Variants in PIK3CB observed in about 807,000 individuals in gnomAD.
PIK3CB encodes phosphatidylinositol 4,5-bisphosphate 3-kinase catalytic subunit beta isoform.
PIK3CB carries 39 observed loss-of-function variants against 136.8 expected under a neutral mutation model. The ratio of observed to expected loss-of-function variants is 0.29; its 90% CI spans 0.22 to 0.37. The LOEUF is 0.37. Ranked by LOEUF, PIK3CB falls within the 10% of genes least tolerant of loss-of-function variation. The probability of loss-of-function intolerance (pLI) is 1.00; values close to 1 mark genes in which losing one functional copy is unlikely to be tolerated. For missense variants in PIK3CB, 868 were observed against 1,275.4 expected, an observed-to-expected ratio of 0.68 and a Z score of 4.87; for synonymous variants, 428 against 436.6, an observed-to-expected ratio of 0.98 and a Z score of 0.25.
intron 2 of PIK3CB, among the ~76,000 whole-genome samples, chr3:138,787,221 C>G (rs1346673770): frequency 6.6e-6 from 1 of 152,070 alleles, no homozygotes; most frequent in African/African-American, 2.4e-5. Flanking sequence ...GCTCCTATAG[C>G]TGGGCGTGGT....
chr3:138,812,938 G>A (rs1042992661), intron 1 of PIK3CB, among the ~76,000 whole-genome samples: 1 of 152,112 alleles, frequency 6.6e-6, no homozygotes, highest in African/African-American at 2.4e-5. Context: ...TGAAATAAGT[G>A]AATGTAAAAC....
chr3:138,702,556 T>C (rs1164291090), intron 12 of PIK3CB, among the ~76,000 whole-genome samples: 2 of 152,154 alleles, frequency 1.3e-5, no homozygotes, highest in Non-Finnish European at 2.9e-5. Flanking sequence ...AGGAGCAATA[T>C]TGTCTTATAA....
chr3:138,734,054 T>C (rs1310389777), intron 7 of PIK3CB, among the ~76,000 whole-genome samples: 1 of 152,154 alleles, frequency 6.6e-6, no homozygotes, highest in Non-Finnish European at 1.5e-5. Flanking sequence ...AATATAGAAA[T>C]AACATCATCA....
rs1405716368 is a variant in PIK3CB at position 138,785,578 on chromosome 3, C to T, written c.-17+10885G>A. ...CACTCAGGGTTAAATGGATTAAGGA[C>T]GGTGTAAGATGTGCTTTGTTAAACA... is the stretch of plus-strand genomic sequence containing the variant. On this transcript the variant is annotated intron_variant, in intron 2 of 23. Transcript: ENST00000674063. Among the ~76,000 whole-genome samples, 10 of 152,168 alleles carry T rather than the reference C, an allele frequency of 6.6e-5. No homozygotes were observed. In the South Asian group the frequency reaches 8.3e-4, roughly 13 times the overall value.
intron 4 of PIK3CB, among the ~76,000 whole-genome samples, chr3:138,747,102 ATATATATATATG>A: frequency 1.1e-5 from 1 of 89,768 alleles, no homozygotes; most frequent in Admixed American, 1.1e-4. Context: ...ATATATATAT[ATATATATATATG>A]GCATTTGCAG....
At chr3:138,668,124 C>A (rs1222214360) in intron 19 of PIK3CB, among the ~76,000 whole-genome samples, 1 of 151,938 alleles carries the variant, frequency 6.6e-6, no homozygotes, top group African/African-American at 2.4e-5. Context: ...AGGTTGGGGG[C>A]AGAACTGTCA....
chr3:138,701,151 A>T (rs951800121), intron 12 of PIK3CB, among the ~76,000 whole-genome samples: 1 of 152,006 alleles, frequency 6.6e-6, no homozygotes, highest in African/African-American at 2.4e-5. Context: ...GCAAATCCAA[A>T]CTGAGGGATA....
At chr3:138,661,654 G>A (rs1057438840) in intron 21 of PIK3CB, among the ~76,000 whole-genome samples, 2 of 152,176 alleles carry the variant, frequency 1.3e-5, no homozygotes, top group Middle Eastern at 3.2e-3. Flanking sequence ...TTCCTCAATC[G>A]TACATGGTGC....
chr3:138,668,482 C>A (rs1471503399), intron 19 of PIK3CB, among the ~76,000 whole-genome samples: 1 of 152,196 alleles, frequency 6.6e-6, no homozygotes, highest in Non-Finnish European at 1.5e-5. Context: ...CTGCACTCAA[C>A]TTCTACACTT....
chr3:138,780,774 T>G (rs72990577), intron 2 of PIK3CB, among the ~76,000 whole-genome samples: 5,229 of 152,180 alleles, frequency 0.034, 311 homozygotes, highest in African/African-American at 0.12. Context: ...GATCAAGCCA[T>G]CCTCCTGTCT....
rs1452619662 is a variant in PIK3CB, at chr3:138,737,775, C to A, written c.733G>T (p.Asp245Tyr). 1.4e-5 allele frequency: 22 copies of A among 1,612,358 alleles called. No homozygotes were observed. The highest frequency in any genetic ancestry group is 1.9e-5 in the Non-Finnish European group (22 of 1,179,156). Residue 245 changes from aspartate (D) to tyrosine (Y), a missense_variant, in exon 6 of 24, where the codon GAT (aspartate) becomes TAT (tyrosine). By Grantham distance (160) the Asp-to-Tyr change is radical (BLOSUM62 -3). Coordinates refer to ENST00000674063, the MANE Select transcript of PIK3CB (RefSeq NM_006219.3). ...CTCCCGCTGACTTGCAACACATAAT[C>A]ATAGGGGCTAACTTCATCTTCCTTC... ...HGKEDEVSPY[D>Y]YVLQVSGRVE...
At chr3:138,778,965 G>T (rs549678754) in intron 2 of PIK3CB, among the ~76,000 whole-genome samples, 1 of 149,920 alleles carries the variant, frequency 6.7e-6, no homozygotes, top group Admixed American at 6.6e-5. Flanking sequence ...GATAGGCCTA[G>T]AAAGCTCCAC....
chr3:138,773,599 C>T (rs765101724), intron 2 of PIK3CB, among the ~76,000 whole-genome samples: 2 of 152,002 alleles, frequency 1.3e-5, no homozygotes, highest in Non-Finnish European at 2.9e-5. Context: ...TAATACAGTC[C>T]TTGAAATGGA....
At chr3:138,722,127 G>GT (rs2044738274) in intron 8 of PIK3CB, among the ~76,000 whole-genome samples, 2 of 95,118 alleles carry the variant, frequency 2.1e-5, no homozygotes, top group African/African-American at 7.7e-5. Context: ...TTGCTACTGG[G>GT]TGTTTTTTTT....
intron 18 of PIK3CB, 118 bp downstream of exon 18, chr3:138,683,560 C>A: frequency 1.6e-6 from 1 of 642,310 alleles, no homozygotes; most frequent in Non-Finnish European, 2.8e-6. Flanking sequence ...CCATTAATAG[C>A]TACCTTCCTG....
chr3:138,696,253 C>G (rs361079), intron 13 of PIK3CB, among the ~76,000 whole-genome samples: 92,536 of 150,178 alleles, frequency 0.62, 29,191 homozygotes, highest in East Asian at 0.99. Flanking sequence ...CACTATCGTA[C>G]CTCACTGCAG....
rs1381658483 is a variant in PIK3CB, at chr3:138,699,100, A to G, written c.1582-5T>C. Reference sequence around the variant, plus strand: ...AAACTTTTTTCCACCTCGACTCTAAAAAAGTAAAATGCTCATTATAGAATT... The same window carrying G: ...AAACTTTTTTCCACCTCGACTCTAAGAAAGTAAAATGCTCATTATAGAATT... On this transcript the variant is annotated splice_region_variant and splice_polypyrimidine_tract_variant and intron_variant, in intron 12 of 23. Transcript: ENST00000674063. The G allele has an allele frequency of 2.0e-6, 3 of 1,525,222 alleles. No individual in the cohort carries two copies. The South Asian group carries it at 3.8e-5, about 19-fold the overall frequency. The allele number at this position is 1,525,222 out of a possible 1,614,324, so 94.5% of individuals were successfully genotyped here. A position where few individuals can be genotyped will look rare whatever the true frequency, so the allele number is the denominator to read the frequency against.
At chr3:138,800,784 C>G (rs2046165466) in intron 1 of PIK3CB, among the ~76,000 whole-genome samples, 1 of 151,960 alleles carries the variant, frequency 6.6e-6, no homozygotes, top group Admixed American at 6.6e-5. Flanking sequence ...GCCACCACGC[C>G]CAGCTAATTT....
chr3:138,760,405 T>TG lies in PIK3CB; in HGVS notation c.-16-1047dup, dbSNP rs538783649. 3.1e-3 allele frequency among the ~76,000 whole-genome samples: 478 copies of TG among 152,302 alleles called. 2 individuals are homozygous for TG. The highest frequency in any genetic ancestry group is 0.011 in the African/African-American group (458 of 41,564). Reference sequence around the variant, plus strand: ...TTCTGCCTTCCTGCTGCTAGACCTATGTTCACATGAGGAATAAACTCCTCA... The same window carrying TG: ...TTCTGCCTTCCTGCTGCTAGACCTATGGTTCACATGAGGAATAAACTCCTCA... On this transcript the variant is annotated intron_variant, in intron 2 of 23. Coordinates refer to ENST00000674063, the MANE Select transcript of PIK3CB (RefSeq NM_006219.3).
Sources: gnomAD v4.1 joint callset for allele counts (sites outside exome capture counted in the v4.1 genomes callset) on GRCh38, gnomAD v4.1.1 for gene constraint, MANE v1.5 for transcripts, NCBI Gene and HGNC (gene_info 2026-07-23, HGNC 2026-07-21) for gene names.